The following MAP3K20 variants were observed in gnomAD, a reference collection of about 807,000 sequenced individuals.
MAP3K20 encodes mitogen-activated protein kinase kinase kinase 20.
MAP3K20 carries 40 observed loss-of-function variants against 85.7 expected under a neutral mutation model. The ratio of observed to expected loss-of-function variants is 0.47; its 90% CI spans 0.36 to 0.61. MAP3K20 has a LOEUF of 0.61. Ranked by LOEUF, MAP3K20 falls within the 20% of genes least tolerant of loss-of-function variation. The pLI is 0.00. For missense variants in MAP3K20, 817 were observed against 961.7 expected (o/e 0.85, Z 1.99); for synonymous variants, 325 against 327.7 (o/e 0.99, Z 0.09).
At chr2:173,075,663 C>T, upstream of MAP3K20, 1 of 931,276 alleles carries the variant, frequency 1.1e-6, no homozygotes, top group Middle Eastern at 5.5e-4. Context: ...CCCCCCACAG[C>T]AAGGCAGGTG....
At chr2:173,193,154 T>C (rs1009578145) in intron 7 of MAP3K20, 17 of 152,314 alleles carry the variant, frequency 1.1e-4, no homozygotes, top group African/African-American at 3.8e-4. Context: ...CCCACTCCTT[T>C]AATGTGCATG....
chr2:173,129,072 C>T (rs1188237177), intron 2 of MAP3K20, among the ~76,000 whole-genome samples: 2 of 151,694 alleles, frequency 1.3e-5, no homozygotes, highest in South Asian at 2.1e-4. Context: ...TACAGGTGCC[C>T]GCCACCATGG....
intron 17 of MAP3K20, among the ~76,000 whole-genome samples, chr2:173,260,171 A>G (rs1414868892): frequency 8.5e-5 from 13 of 152,202 alleles, no homozygotes; most frequent in African/African-American, 2.7e-4. Context: ...GTTGGAGACC[A>G]GCCTAGACAA....
intron 2 of MAP3K20, among the ~76,000 whole-genome samples, chr2:173,092,439 T>A (rs940963884): frequency 3.3e-5 from 5 of 152,202 alleles, no homozygotes; most frequent in African/African-American, 1.2e-4. Flanking sequence ...ATTCTTTAAG[T>A]CCTTTATAGG....
chr2:173,242,620 T>C (rs770179602), intron 16 of MAP3K20, among the ~76,000 whole-genome samples: 4 of 151,700 alleles, frequency 2.6e-5, no homozygotes, highest in Non-Finnish European at 5.9e-5. Context: ...TCTTGAGTCA[T>C]AGATTATCTA....
chr2:173,133,011 T>C (rs1250732280), intron 2 of MAP3K20, among the ~76,000 whole-genome samples: 2 of 152,248 alleles, frequency 1.3e-5, no homozygotes, highest in African/African-American at 2.4e-5. Context: ...TGTGGCTCAC[T>C]CCTACACAGT....
intron 2 of MAP3K20, among the ~76,000 whole-genome samples, chr2:173,162,856 C>T (rs1243329439): frequency 2.6e-5 from 4 of 152,074 alleles, no homozygotes; most frequent in South Asian, 4.1e-4. Flanking sequence ...GCATGGACCC[C>T]GCTGAGACAC....
At chr2:173,238,928 TA>T (rs1480246456) in intron 15 of MAP3K20, among the ~76,000 whole-genome samples, 3 of 152,252 alleles carry the variant, frequency 2.0e-5, no homozygotes, top group Non-Finnish European at 4.4e-5. Flanking sequence ...GAACTTTACT[TA>T]TTCACTAACA....
At chr2:173,172,895 T>A (rs1690041163) in intron 3 of MAP3K20, among the ~76,000 whole-genome samples, 1 of 152,010 alleles carries the variant, frequency 6.6e-6, no homozygotes, top group Non-Finnish European at 1.5e-5. Flanking sequence ...CCTCCTGAGT[T>A]CAAGCAATTC....
In MAP3K20 at chr2:173,267,669, TAAAA is replaced by T; in HGVS notation, c.*920_*923del. On this transcript the variant is annotated 3_prime_UTR_variant, in exon 20 of 20. Coordinates refer to ENST00000375213, the MANE Select transcript of MAP3K20 (RefSeq NM_016653.3). ...AATTTCACCAAAGGAGCAAAGAGGA[TAAAA>T]CAACACTCCATAAAGGCCTCTTGGG... 6.6e-6 allele frequency: 1 copy of T among 152,266 alleles called. No homozygotes were observed. Among genetic ancestry groups the T allele is most frequent in the African/African-American group, 2.4e-5 (1 of 41,534 alleles). 9.4% of individuals were successfully genotyped at this position (152,266 alleles called of 1,614,324 possible).
chr2:173,197,518 T>C (rs576933037), intron 7 of MAP3K20, among the ~76,000 whole-genome samples: 21 of 152,338 alleles, frequency 1.4e-4, no homozygotes, highest in Middle Eastern at 3.4e-3. Flanking sequence ...ATCTAAATAT[T>C]ACAATTTTGC....
intron 16 of MAP3K20, among the ~76,000 whole-genome samples, chr2:173,242,010 G>T (rs529449197): frequency 3.9e-5 from 6 of 152,192 alleles, no homozygotes; most frequent in African/African-American, 1.4e-4. Flanking sequence ...TCATCTGATG[G>T]TAAACAAATT....
chr2:173,121,940 G>C (rs558095912), intron 2 of MAP3K20, among the ~76,000 whole-genome samples: 1 of 152,302 alleles, frequency 6.6e-6, no homozygotes, highest in Admixed American at 6.5e-5. Flanking sequence ...GCCCCATTGA[G>C]TAAGCCTTGG....
chr2:173,106,760 T>C (rs1276320211), intron 2 of MAP3K20, among the ~76,000 whole-genome samples: 1 of 152,000 alleles, frequency 6.6e-6, no homozygotes, highest in Non-Finnish European at 1.5e-5. Flanking sequence ...GTGACACTCA[T>C]AAGGTATAGG....
At chr2:173,152,761 A>G (rs976381842) in intron 2 of MAP3K20, among the ~76,000 whole-genome samples, 3 of 152,236 alleles carry the variant, frequency 2.0e-5, no homozygotes, top group African/African-American at 7.2e-5. Context: ...ACCACAAGTT[A>G]CGTAGGTCAA....
At chr2:173,080,647 T>G (rs1282936300) in intron 1 of MAP3K20, among the ~76,000 whole-genome samples, 1 of 152,232 alleles carries the variant, frequency 6.6e-6, no homozygotes, top group Non-Finnish European at 1.5e-5. Flanking sequence ...GATTAAGTAA[T>G]TAAGTTTCAA....
Position 173,261,099 on chromosome 2 carries a change from G to C in MAP3K20, c.1513G>C (p.Ala505Pro). ...FVMEKWIVGI[A>P]KSQTVECTVT... is the part of the protein sequence containing the mutation. ...AATGGAGAAGTGGATTGTAGGAATAGCAAAAAGTCAGACTGTGGAGTGCAC... is the reference window on the plus strand; with the variant it reads ...AATGGAGAAGTGGATTGTAGGAATACCAAAAAGTCAGACTGTGGAGTGCAC... Residue 505 changes from alanine (A) to proline (P), a missense_variant, in exon 18 of 20, where the codon GCA becomes CCA. Physicochemically the swap from Ala to Pro is conservative, Grantham distance 27. Around this residue, in one of 4 missense-constraint regions of MAP3K20, gnomAD observed 454 missense variants for 476.9 expected, o/e 0.95. Coordinates refer to ENST00000375213, the MANE Select transcript of MAP3K20 (RefSeq NM_016653.3). The C allele has an allele frequency of 6.2e-7, 1 of 1,613,714 alleles. No individual in the cohort carries two copies. Among genetic ancestry groups the C allele is most frequent in the South Asian group, 1.1e-5 (1 of 91,064 alleles).
At chr2:173,234,841 T>TC (rs1456460613) in intron 14 of MAP3K20, among the ~76,000 whole-genome samples, 1 of 152,150 alleles carries the variant, frequency 6.6e-6, no homozygotes, top group Non-Finnish European at 1.5e-5. Flanking sequence ...TGACCAGCTG[T>TC]TGGGAGTATT....
chr2:173,190,100 G>A (rs1211332237), intron 5 of MAP3K20, among the ~76,000 whole-genome samples: 2 of 151,986 alleles, frequency 1.3e-5, no homozygotes, highest in African/African-American at 4.8e-5. Flanking sequence ...TTTTTTGTCT[G>A]CTCCTGAGTT....
Sources: allele counts gnomAD v4.1 joint callset (sites outside exome capture counted in the v4.1 genomes callset), GRCh38; gene constraint gnomAD v4.1.1; regional missense constraint gnomAD v4.1.1; transcripts MANE v1.5; gene names NCBI Gene and HGNC (gene_info 2026-07-23, HGNC 2026-07-21).